The following GRIA3 variants were observed in gnomAD, a reference collection of about 807,000 sequenced individuals.
GRIA3 encodes the protein glutamate receptor 3.
In GRIA3, 3 loss-of-function variants were observed where a neutral mutation model predicts 63.0. That is an observed-to-expected ratio of 0.05 (90% CI 0.02 to 0.12). The LOEUF (loss-of-function observed/expected upper bound fraction) is 0.12, where lower values mean the gene tolerates loss of function less well. GRIA3 is among the 10% of genes least tolerant of loss of function. The pLI, the probability that GRIA3 is intolerant of heterozygous loss-of-function variation, is 1.00. For missense variants in GRIA3, 347 were observed against 700.9 expected, an observed-to-expected ratio of 0.50 and a Z score of 5.70; for synonymous variants, 274 against 257.9, an observed-to-expected ratio of 1.06 and a Z score of -0.60.
chrX:123,239,394 C>G (rs2044318152), intron 2 of GRIA3, among the ~76,000 whole-genome samples: 1 of 110,501 alleles, frequency 9.0e-6, no homozygotes, highest in African/African-American at 3.3e-5. Context: ...GCATGTTTCC[C>G]TTCCAGACCA....
chrX:123,413,532 CAAAAAAAAAAAAAAAAAAAAAA>C lies in GRIA3; in HGVS notation c.1501-3853_1501-3832del, dbSNP rs570201736. Among the ~76,000 whole-genome samples, 103 of 15,883 alleles carry C rather than the reference CAAAAAAAAAAAAAAAAAAAAAA, an allele frequency of 6.5e-3. 3 individuals are homozygous for C. In the South Asian group the frequency reaches 0.095, roughly 15 times the overall value. The allele number at this position is 15,883 out of a possible 115,157, so 13.8% of individuals were successfully genotyped here. On this transcript the variant is annotated intron_variant, in intron 10 of 15. Transcript: ENST00000620443. ...TCTAACTGATTCAGACTCTCTCTGC[CAAAAAAAAAAAAAAAAAAAAAA>C]AAAAAAAAAAAAAAAACACTCTGCT...
At chrX:123,472,543 A>C (rs1420022944) in intron 13 of GRIA3, among the ~76,000 whole-genome samples, 2 of 111,731 alleles carry the variant, frequency 1.8e-5, no homozygotes, top group Non-Finnish European at 3.8e-5. Flanking sequence ...AAAACTTAGC[A>C]TTTTCCCTGA....
intron 3 of GRIA3, among the ~76,000 whole-genome samples, chrX:123,254,443 C>T (rs1490292133): frequency 9.0e-6 from 1 of 111,516 alleles, no homozygotes; most frequent in African/African-American, 3.3e-5. Context: ...TTCCAGAAGA[C>T]AATGTTACTT....
intron 12 of GRIA3, among the ~76,000 whole-genome samples, chrX:123,450,594 C>T (rs1375230762): frequency 8.9e-6 from 1 of 112,906 alleles, no homozygotes; most frequent in Non-Finnish European, 1.9e-5. Flanking sequence ...TAAATCTCAG[C>T]TACGCATTTA....
At chrX:123,484,601 C>T (rs181878347) in intron 15 of GRIA3, among the ~76,000 whole-genome samples, 74 of 112,125 alleles carry the variant, frequency 6.6e-4, no homozygotes, top group African/African-American at 2.3e-3. Flanking sequence ...CCGCCTCACC[C>T]TCCCAAGTAG....
intron 4 of GRIA3, among the ~76,000 whole-genome samples, chrX:123,333,238 A>G (rs1325245211): frequency 8.9e-6 from 1 of 112,029 alleles, no homozygotes; most frequent in East Asian, 2.8e-4. Context: ...AACAAGGAGT[A>G]TACAGAAAGG....
rs1569440771 is a variant in GRIA3 at position 123,463,601 on chromosome X, AGGG to A, written c.2077-1263_2077-1261del. The stretch of plus-strand genomic sequence containing the variant: ...AAGGGAGGGAGGGAGGGAGGGAGGG[AGGG>A]AGGGAGGGAAAGAAAGAAAGAAAGA... On this transcript the variant is annotated intron_variant, in intron 12 of 15. Coordinates refer to ENST00000620443, the MANE Select transcript of GRIA3 (RefSeq NM_007325.5). 1.0e-3 allele frequency among the ~76,000 whole-genome samples: 33 copies of A among 32,336 alleles called. 2 individuals are homozygous for A. Among genetic ancestry groups the A allele is most frequent in the Non-Finnish European group, 1.3e-3 (27 of 20,022 alleles). The allele number at this position is 32,336 out of a possible 115,157, so 28.1% of individuals were successfully genotyped here.
At chrX:123,361,522 G>A (rs1378409829) in intron 5 of GRIA3, among the ~76,000 whole-genome samples, 1 of 111,424 alleles carries the variant, frequency 9.0e-6, no homozygotes, top group Non-Finnish European at 1.9e-5. Flanking sequence ...TCTCCAAATG[G>A]AAATGGTACA....
At chrX:123,390,038 TA>T (rs1210500734) in intron 5 of GRIA3, among the ~76,000 whole-genome samples, 4 of 112,001 alleles carry the variant, frequency 3.6e-5, no homozygotes, top group African/African-American at 1.3e-4. Flanking sequence ...AAGTTTAATC[TA>T]TTTATATTCA....
chrX:123,222,365 T>C (rs2044223943), intron 2 of GRIA3, among the ~76,000 whole-genome samples: 1 of 112,357 alleles, frequency 8.9e-6, no homozygotes, highest in Non-Finnish European at 1.9e-5. Flanking sequence ...TTAGAATCCT[T>C]GTGAAATTTA....
intron 5 of GRIA3, chrX:123,361,102 T>G (rs1280261166): frequency 9.0e-6 from 1 of 110,651 alleles, no homozygotes; most frequent in African/African-American, 3.3e-5. Flanking sequence ...GGAAGTGAAC[T>G]CTGCAGCTCA....
chrX:123,294,038 C>T (rs766217190), intron 3 of GRIA3, among the ~76,000 whole-genome samples: 1 of 79,196 alleles, frequency 1.3e-5, no homozygotes. Flanking sequence ...TCCCTTGCAA[C>T]AAAGAGTCCT....
intron 6 of GRIA3, among the ~76,000 whole-genome samples, chrX:123,395,863 T>G (rs1454808885): frequency 9.0e-6 from 1 of 111,301 alleles, no homozygotes; most frequent in Admixed American, 9.6e-5. Context: ...AGTGCATTGA[T>G]TCAAATATGA....
intron 3 of GRIA3, among the ~76,000 whole-genome samples, chrX:123,303,793 G>A (rs918545368): frequency 6.3e-5 from 7 of 111,069 alleles, no homozygotes; most frequent in Admixed American, 5.8e-4. Flanking sequence ...AGAATCCAGT[G>A]AAGATATAGC....
chrX:123,450,291 C>T (rs1048630658), intron 12 of GRIA3, among the ~76,000 whole-genome samples: 3 of 111,986 alleles, frequency 2.7e-5, no homozygotes, highest in African/African-American at 9.7e-5. Flanking sequence ...AAAGCTGAAC[C>T]AAGAAAGAAG....
At chrX:123,376,434 G>A (rs762402737) in intron 5 of GRIA3, among the ~76,000 whole-genome samples, 4 of 111,404 alleles carry the variant, frequency 3.6e-5, no homozygotes, top group African/African-American at 9.8e-5. Flanking sequence ...TCTTATATTC[G>A]TGTCTTTGCT....
rs1378138181 is a variant in GRIA3 at position 123,482,794 on chromosome X, C to T, written c.2440-5C>T. The T allele has an allele frequency of 4.1e-6, 5 of 1,209,303 alleles. No individual in the cohort carries two copies. The highest frequency in any genetic ancestry group is 5.6e-6 in the Non-Finnish European group (5 of 894,397). On this transcript the variant is annotated splice_polypyrimidine_tract_variant and splice_region_variant and intron_variant, in intron 14 of 15. Transcript: ENST00000620443. ...AGATCTAATCACGTTGTTCATTTCT[C>T]TTAGGACAAGACCAGCGCTCTGAGC...
At position 123,464,303 on chromosome X, in the gene GRIA3, C is replaced by T. The variant is rs779814262; in HGVS notation, c.2077-562C>T. Among the ~76,000 whole-genome samples the T allele has an allele frequency of 4.1e-4, 45 of 110,972 alleles. 1 individual carries two copies. In the East Asian group the frequency reaches 0.012, roughly 31 times the overall value. ...CTATGTAACACATCTGCAAATGTAC[C>T]CCCTGTGTCTAAAATAAAAGTTGAA... On this transcript the variant is annotated intron_variant, in intron 12 of 15. Transcript: ENST00000620443.
At chrX:123,443,600 C>G in intron 12 of GRIA3, among the ~76,000 whole-genome samples, 1 of 111,764 alleles carries the variant, frequency 8.9e-6, no homozygotes, top group East Asian at 2.8e-4. Flanking sequence ...TCCTACTTTC[C>G]TTTACCCGAC....
Sources: gnomAD v4.1 joint callset for allele counts (sites outside exome capture counted in the v4.1 genomes callset) on GRCh38, gnomAD v4.1.1 for gene constraint, MANE v1.5 for transcripts, NCBI Gene and HGNC (gene_info 2026-07-23, HGNC 2026-07-21) for gene names.